Variants in ATP2B2 observed in about 807,000 individuals in gnomAD.
ATP2B2 encodes plasma membrane calcium-transporting ATPase 2.
ATP2B2 carries 15 observed loss-of-function variants against 120.0 expected under a neutral mutation model. The ratio of observed to expected loss-of-function variants is 0.12; its 90% confidence interval spans 0.08 to 0.19. ATP2B2 has a LOEUF of 0.19. Among genes scored for constraint, ATP2B2 ranks in the 10% least tolerant of loss-of-function variants. ATP2B2 has a pLI of 1.00. For synonymous variants in ATP2B2, 694 were observed against 700.3 expected, an observed-to-expected ratio of 0.99 and a Z score of 0.14; for missense variants, 1,045 against 1,719.8, an observed-to-expected ratio of 0.61 and a Z score of 6.94.
chr3:10,382,197 ATTT>A (rs58615119), intron 8 of ATP2B2, among the ~76,000 whole-genome samples: 22 of 122,300 alleles, frequency 1.8e-4, no homozygotes, highest in South Asian at 5.6e-4. Context: ...AGCTAATTAA[ATTT>A]TTTTTTTTTT....
At chr3:10,665,134 G>A (rs574396777) in intron 1 of ATP2B2, among the ~76,000 whole-genome samples, 2 of 152,278 alleles carry the variant, frequency 1.3e-5, no homozygotes, top group Non-Finnish European at 2.9e-5. Context: ...GCATATACCT[G>A]CTACCCTGCT....
rs757329620 is a variant in ATP2B2, at chr3:10,358,874, G to A, written c.1953C>T (p.Arg651=). 4.0e-5 allele frequency: 65 copies of A among 1,613,990 alleles called. No individual in the cohort carries two copies. Among genetic ancestry groups the A allele is most frequent in the Non-Finnish European group, 5.1e-5 (60 of 1,180,024 alleles). Residue 651 remains arginine (R), a synonymous_variant, in exon 14 of 23, where the codon CGC becomes CGT. Transcript: ENST00000360273. ...GAGEPRVFRP[R]DRDEMVKKVI... ...CCTTCTTTACCATCTCGTCCCGGTCGCGGGGCCGGAAGACACGAGGCTCTC... is the reference window on the plus strand; with the variant it reads ...CCTTCTTTACCATCTCGTCCCGGTCACGGGGCCGGAAGACACGAGGCTCTC...
intron 2 of ATP2B2, among the ~76,000 whole-genome samples, chr3:10,603,189 T>C (rs115110978): frequency 0.012 from 1,878 of 152,346 alleles, 35 homozygotes; most frequent in African/African-American, 0.043. Context: ...GGGCCTGGCT[T>C]CATTTCCTTG....
chr3:10,507,484 G>C (rs1304713520), upstream of ATP2B2, among the ~76,000 whole-genome samples: 1 of 152,166 alleles, frequency 6.6e-6, no homozygotes, highest in African/African-American at 2.4e-5. Context: ...ACAGGCCCGT[G>C]TAAAGCTGTT....
In ATP2B2 at chr3:10,350,209, G is replaced by C; in HGVS notation, c.2317-10C>G. On this transcript the variant is annotated splice_polypyrimidine_tract_variant and intron_variant, in intron 15 of 22. Coordinates refer to ENST00000360273, the MANE Select transcript of ATP2B2 (RefSeq NM_001001331.4). ...TTCGCTCCTGCTCAATCTGGAGAGGGATGGGGAAGGGGGCGGGTCGGTGGG... is the reference window on the plus strand; with the variant it reads ...TTCGCTCCTGCTCAATCTGGAGAGGCATGGGGAAGGGGGCGGGTCGGTGGG... The C allele has an allele frequency of 1.3e-6, 1 of 797,936 alleles. No individual in the cohort carries two copies. The highest frequency in any genetic ancestry group is 2.0e-6 in the Non-Finnish European group (1 of 497,784). 49.4% of individuals were successfully genotyped at this position (797,936 alleles called of 1,614,324 possible).
chr3:10,596,645 C>T (rs2068770715), intron 2 of ATP2B2, among the ~76,000 whole-genome samples: 1 of 152,194 alleles, frequency 6.6e-6, no homozygotes, highest in African/African-American at 2.4e-5. Flanking sequence ...AACAGAAAGT[C>T]CCAGACAGGA....
chr3:10,486,207 C>A (rs741496), intron 1 of ATP2B2, among the ~76,000 whole-genome samples: 1 of 152,018 alleles, frequency 6.6e-6, no homozygotes, highest in East Asian at 1.9e-4. Context: ...ACTAGCTGAG[C>A]GACTCAGTTT....
intron 1 of ATP2B2, among the ~76,000 whole-genome samples, chr3:10,460,903 A>G (rs373191041): frequency 1.6e-4 from 24 of 152,128 alleles, no homozygotes; most frequent in African/African-American, 5.3e-4. Flanking sequence ...CCATGGGGTG[A>G]GGGAGGAAAA....
chr3:10,582,672 G>T (rs1419706932), intron 2 of ATP2B2, among the ~76,000 whole-genome samples: 1 of 152,228 alleles, frequency 6.6e-6, no homozygotes, highest in African/African-American at 2.4e-5. Context: ...AGTAAGATCT[G>T]GGAAGTGTGC....
chr3:10,695,938 A>T (rs1296593112), intron 1 of ATP2B2, among the ~76,000 whole-genome samples: 4 of 152,206 alleles, frequency 2.6e-5, no homozygotes, highest in Non-Finnish European at 5.9e-5. Context: ...AGTCAGTCTC[A>T]GATGTCTTGG....
At chr3:10,472,199 G>A (rs1475898491) in intron 1 of ATP2B2, among the ~76,000 whole-genome samples, 7 of 152,232 alleles carry the variant, frequency 4.6e-5, no homozygotes, top group Non-Finnish European at 7.3e-5. Context: ...ACCGAAGCAG[G>A]AAGATGGGAG....
rs1238527472 is a variant in ATP2B2 at position 10,534,038 on chromosome 3, C to A, written c.-320+1G>T. ...CAGTCAAGCCCCCGTCTCCAACTCA[C>A]CCCTCCACGTCTTCTGGTTAAATGA... On this transcript the variant is annotated splice_donor_variant, in intron 3 of 21. Coordinates refer to the ATP2B2 transcript ENST00000646379. LOFTEE classifies it low-confidence loss of function (5UTR_SPLICE). The A allele has an allele frequency of 6.6e-6, 1 of 152,264 alleles. No homozygotes were observed. Among genetic ancestry groups the A allele is most frequent in the Non-Finnish European group, 1.5e-5 (1 of 68,078 alleles). The allele number at this position is 152,264 out of a possible 1,614,324, so 9.4% of individuals were successfully genotyped here.
chr3:10,568,824 G>A (rs920939544), intron 2 of ATP2B2, among the ~76,000 whole-genome samples: 11 of 152,206 alleles, frequency 7.2e-5, no homozygotes, highest in Non-Finnish European at 1.6e-4. Flanking sequence ...ACAAGCAGCT[G>A]TGGCTGTCAC....
chr3:10,615,018 T>C (rs2069345579), intron 2 of ATP2B2, among the ~76,000 whole-genome samples: 1 of 152,146 alleles, frequency 6.6e-6, no homozygotes, highest in Non-Finnish European at 1.5e-5. Context: ...GATTCTACCC[T>C]GTGAGTAGAG....
At position 10,580,580 on chromosome 3, in the gene ATP2B2, C is replaced by T. The variant is rs147778416; in HGVS notation, c.-415+39337G>A. ...AGTGCGGCTCCTCCCCTACCACCCT[C>T]CTCTGCTTCCTCATCTTTGGGCCTT... On this transcript the variant is annotated intron_variant, in intron 2 of 21. Transcript: ENST00000646379. 5.3e-3 allele frequency among the ~76,000 whole-genome samples: 801 copies of T among 152,312 alleles called. 3 individuals carry two copies. Among genetic ancestry groups the T allele is most frequent in the African/African-American group, 6.9e-3 (287 of 41,564 alleles).
At chr3:10,602,311 G>A (rs2068946344) in intron 2 of ATP2B2, among the ~76,000 whole-genome samples, 1 of 152,184 alleles carries the variant, frequency 6.6e-6, no homozygotes. Context: ...AGACTCTGCC[G>A]TTGTGGAAGT....
chr3:10,518,792 C>T (rs1321586992), intron 3 of ATP2B2, among the ~76,000 whole-genome samples: 1 of 152,240 alleles, frequency 6.6e-6, no homozygotes, highest in East Asian at 1.9e-4. Flanking sequence ...CCCGCTTTCA[C>T]CGGCAGGTGC....
chr3:10,624,894 G>A (rs2069651978), intron 1 of ATP2B2, among the ~76,000 whole-genome samples: 1 of 152,162 alleles, frequency 6.6e-6, no homozygotes, highest in African/African-American at 2.4e-5. Context: ...GTTCAGATGT[G>A]GGGGTGGGGG....
At chr3:10,561,299 T>C (rs2067898269) in intron 2 of ATP2B2, among the ~76,000 whole-genome samples, 1 of 152,206 alleles carries the variant, frequency 6.6e-6, no homozygotes, top group East Asian at 1.9e-4. Context: ...AGTGGATGTA[T>C]GGACATATAG....
Sources: allele counts gnomAD v4.1 joint callset (sites outside exome capture counted in the v4.1 genomes callset), GRCh38; gene constraint gnomAD v4.1.1; transcripts MANE v1.5; gene names NCBI Gene and HGNC (gene_info 2026-07-23, HGNC 2026-07-21).